The following C1D variants were observed in gnomAD, a reference collection of about 807,000 sequenced individuals.
C1D encodes nuclear nucleic acid-binding protein C1D.
In C1D, 10 loss-of-function variants were observed where a neutral mutation model predicts 17.5. That is an observed-to-expected ratio of 0.57 (90% CI 0.35 to 0.97). C1D has a LOEUF of 0.97. Ranked by LOEUF, C1D falls within the 50% of genes least tolerant of loss-of-function variation. The probability of loss-of-function intolerance (pLI) is 0.01; values close to 1 mark genes in which losing one functional copy is unlikely to be tolerated. For synonymous variants in C1D, 49 were observed against 54.0 expected, an observed-to-expected ratio of 0.91 and a Z score of 0.40; for missense variants, 136 against 160.1, an observed-to-expected ratio of 0.85 and a Z score of 0.81.
At chr2:68,047,105 C>A in intron 2 of C1D, 68 bp downstream of exon 2, 1 of 1,411,330 alleles carries the variant, frequency 7.1e-7, no homozygotes. Context: ...TTTCTTCTTC[C>A]ACATGTTTCA....
chr2:68,056,927 C>G (rs1283059093), intron 1 of C1D, among the ~76,000 whole-genome samples: 12 of 152,060 alleles, frequency 7.9e-5, no homozygotes, highest in African/African-American at 2.2e-4. Flanking sequence ...TATTTTAGCG[C>G]AAGATAATGT....
intron 1 of C1D, among the ~76,000 whole-genome samples, chr2:68,047,712 T>C (rs1671170726): frequency 6.6e-6 from 1 of 152,150 alleles, no homozygotes; most frequent in African/African-American, 2.4e-5. Flanking sequence ...TACAGGCCCA[T>C]TGCCACCATG....
At position 68,047,339 on chromosome 2, in the gene C1D, T is replaced by C. The variant is rs375100704; in HGVS notation, c.-9-20A>G. ...GGCTGACTGGAAAAAATTAAATTCT[T>C]TGAATTCATATTAGAGACAGAGCTT... On this transcript the variant is annotated intron_variant, in intron 1 of 4. Coordinates refer to ENST00000410067, the MANE Select transcript of C1D (RefSeq NM_173177.3). 24 of 1,590,752 alleles carry C rather than the reference T, an allele frequency of 1.5e-5. No individual in the cohort carries two copies. Among genetic ancestry groups the C allele is most frequent in the Non-Finnish European group, 1.9e-5 (22 of 1,169,728 alleles).
At chr2:68,057,327 T>TTC (rs1367488046) in intron 1 of C1D, among the ~76,000 whole-genome samples, 2 of 150,950 alleles carry the variant, frequency 1.3e-5, no homozygotes, top group African/African-American at 4.9e-5. Flanking sequence ...TTTTTTTTTT[T>TTC]CGTATTTTTA....
At chr2:68,047,142 T>C in intron 2 of C1D, 31 bp downstream of exon 2, 1 of 1,581,618 alleles carries the variant, frequency 6.3e-7, no homozygotes. Context: ...TTTATGAAAT[T>C]CATTTTTAGG....
chr2:68,041,702 C>T lies in C1D; in HGVS notation c.*1187G>A, dbSNP rs1670962867. 6.6e-6 allele frequency: 1 copy of T among 151,938 alleles called. No homozygotes were observed. The highest frequency in any genetic ancestry group is 1.5e-5 in the Non-Finnish European group (1 of 67,850). 9.4% of individuals were successfully genotyped at this position (151,938 alleles called of 1,614,324 possible). A position where few individuals can be genotyped will look rare whatever the true frequency, so the allele number is the denominator to read the frequency against. On this transcript the variant is annotated 3_prime_UTR_variant, in exon 5 of 5. Transcript: ENST00000410067. ...TATCTGCTATCATAAATCAAGAAAT[C>T]CATTTATTCAAGGTTACTTATGGAG...
At chr2:68,062,213 T>TA (rs1212810663) in intron 1 of C1D, among the ~76,000 whole-genome samples, 1 of 152,200 alleles carries the variant, frequency 6.6e-6, no homozygotes, top group African/African-American at 2.4e-5. Flanking sequence ...TTTAATTTTT[T>TA]AAAAAATCAC....
chr2:68,045,878 A>G (rs777802696), intron 4 of C1D, 110 bp downstream of exon 4: 2 of 761,306 alleles, frequency 2.6e-6, no homozygotes, highest in Non-Finnish European at 4.2e-6. Context: ...GCTCACTTTC[A>G]TAATTTCAAC....
chr2:68,055,209 T>C (rs1558584828), intron 1 of C1D, among the ~76,000 whole-genome samples: 1 of 152,044 alleles, frequency 6.6e-6, no homozygotes, highest in South Asian at 2.1e-4. Flanking sequence ...CACCAACAGA[T>C]CACTAAAAGT....
In C1D at chr2:68,046,325, T is replaced by C. The variant is rs1345027802; in HGVS notation, c.205+19A>G. On this transcript the variant is annotated intron_variant, in intron 3 of 4. Coordinates refer to ENST00000410067, the MANE Select transcript of C1D (RefSeq NM_173177.3). ...ATAAGTAATTTGCTTTCTAATTAAT[T>C]CCAAAGTAACACACATACCCCAAAA... 1.3e-6 allele frequency: 2 copies of C among 1,572,536 alleles called. No individual in the cohort carries two copies. Among genetic ancestry groups the C allele is most frequent in the Admixed American group, 1.8e-5 (1 of 57,028 alleles).
At chr2:68,047,417 G>C (rs1041589340) in intron 1 of C1D, 98 bp from the exon 2 acceptor site, 2 of 833,014 alleles carry the variant, frequency 2.4e-6, no homozygotes. Context: ...GTATTTCAAA[G>C]GCACTAAGAG....
At position 68,047,203 on chromosome 2, in the gene C1D, C is replaced by T. The variant is rs1379715257; in HGVS notation, c.108G>A (p.Met36Ile). 1.2e-6 allele frequency: 2 copies of T among 1,609,018 alleles called. No individual in the cohort carries two copies. The highest frequency in any genetic ancestry group is 1.7e-5 in the Admixed American group (1 of 59,294). ...GAVDEMLKTM[M>I]SVSRNELLQK... ...GCAACAACTCATTTCTAGAAACAGA[C>T]ATCATGGTCTTCAGCATCTCATCCA... The change falls in exon 2 of 5, where the codon ATG becomes ATA. Residue 36 changes from methionine (M) to isoleucine (I), a missense_variant. Physicochemically the swap from Met to Ile is conservative, Grantham distance 10. Coordinates refer to ENST00000410067, the MANE Select transcript of C1D (RefSeq NM_173177.3).
At chr2:68,052,120 T>C (rs995627388) in intron 1 of C1D, among the ~76,000 whole-genome samples, 2 of 151,790 alleles carry the variant, frequency 1.3e-5, no homozygotes, top group Admixed American at 6.6e-5. Flanking sequence ...AATCTATATA[T>C]AGTGACACAC....
chr2:68,049,314 C>T (rs753820417), intron 1 of C1D, among the ~76,000 whole-genome samples: 33 of 152,004 alleles, frequency 2.2e-4, no homozygotes, highest in Non-Finnish European at 4.3e-4. Context: ...GAGCCATAAG[C>T]GCTGAAAATA....
intron 1 of C1D, among the ~76,000 whole-genome samples, chr2:68,050,800 C>T (rs940232940): frequency 3.9e-5 from 6 of 152,198 alleles, no homozygotes; most frequent in African/African-American, 1.4e-4. Flanking sequence ...ACATTTCCAG[C>T]TGCATACTCA....
chr2:68,061,784 T>A (rs1285855218), intron 1 of C1D, among the ~76,000 whole-genome samples: 4 of 151,980 alleles, frequency 2.6e-5, no homozygotes, highest in African/African-American at 9.7e-5. Flanking sequence ...AGATAATACA[T>A]ATGAAGAGCC....
At chr2:68,060,487 C>T (rs929735740) in intron 1 of C1D, among the ~76,000 whole-genome samples, 4 of 152,002 alleles carry the variant, frequency 2.6e-5, no homozygotes, top group South Asian at 2.1e-4. Flanking sequence ...ACTAAAAACA[C>T]AAAAAATTAG....
At chr2:68,047,041 C>G (rs1175666788) in intron 2 of C1D, 132 bp downstream of exon 2, 6 of 753,956 alleles carry the variant, frequency 8.0e-6, no homozygotes, top group Non-Finnish European at 1.2e-5. Context: ...TAAAAATACC[C>G]AAACACTAAT....
intron 1 of C1D, among the ~76,000 whole-genome samples, chr2:68,060,326 G>A (rs923975854): frequency 6.6e-6 from 1 of 152,118 alleles, no homozygotes; most frequent in Non-Finnish European, 1.5e-5. Context: ...CTTAAACACA[G>A]CAGCCAGAGA....
Sources: gnomAD v4.1 joint callset for allele counts (sites outside exome capture counted in the v4.1 genomes callset) on GRCh38, gnomAD v4.1.1 for gene constraint, MANE v1.5 for transcripts, NCBI Gene and HGNC (gene_info 2026-07-23, HGNC 2026-07-21) for gene names.